CARNMT1: variants seen among roughly 807,000 people sequenced by gnomAD.
The protein encoded by CARNMT1 is carnosine N-methyltransferase 1, also known as protein-L-histidine N-pros-methyltransferase CARNMT1.
Under a neutral mutation model 49.6 loss-of-function variants are expected in CARNMT1, and 28 were observed. The ratio of observed to expected loss-of-function variants is 0.56; its 90% CI spans 0.42 to 0.77. The LOEUF (loss-of-function observed/expected upper bound fraction) is 0.77. Among genes scored for constraint, CARNMT1 ranks in the 30% least tolerant of loss-of-function variants. CARNMT1 has a pLI of 0.00. For missense variants in CARNMT1, 421 were observed against 512.6 expected, an observed-to-expected ratio of 0.82 and a Z score of 1.73; for synonymous variants, 178 against 175.0, an observed-to-expected ratio of 1.02 and a Z score of -0.13.
intron 5 of CARNMT1, 99 bp downstream of exon 5, chr9:74,998,499 C>T (rs1833261088): frequency 1.0e-6 from 1 of 953,968 alleles, no homozygotes; most frequent in Non-Finnish European, 1.5e-6. Flanking sequence ...TTATGTTCTA[C>T]CATCAAAATG....
Position 75,002,547 on chromosome 9 carries a change from A to G in CARNMT1, c.591-2677T>C, listed in dbSNP as rs1321017498. On this transcript the variant is annotated intron_variant, in intron 3 of 7. Coordinates refer to ENST00000376834, the MANE Select transcript of CARNMT1 (RefSeq NM_152420.3). ...AAAAGGAATGAAAAACATCTCATTA[A>G]TAATCTTTTATTACATTGAAATTTT... 2.6e-5 allele frequency among the ~76,000 whole-genome samples: 4 copies of G among 152,356 alleles called. No homozygotes were observed. The East Asian group carries it at 7.7e-4, about 29-fold the overall frequency.
chr9:75,011,887 A>G (rs1360645816), intron 3 of CARNMT1, among the ~76,000 whole-genome samples: 1 of 152,218 alleles, frequency 6.6e-6, no homozygotes, highest in Non-Finnish European at 1.5e-5. Flanking sequence ...CTGCAATTAA[A>G]CAAAATGAAA....
At chr9:75,001,267 CA>C (rs1402818006) in intron 3 of CARNMT1, among the ~76,000 whole-genome samples, 1 of 151,988 alleles carries the variant, frequency 6.6e-6, no homozygotes, top group Non-Finnish European at 1.5e-5. Flanking sequence ...AAAATATTAC[CA>C]TGCAGGAGTT....
chr9:75,017,588 A>G, intron 1 of CARNMT1, 140 bp from the exon 2 acceptor site: 1 of 697,570 alleles, frequency 1.4e-6, no homozygotes, highest in South Asian at 2.3e-5. Context: ...TTGGCTTTAA[A>G]AAGGCATTAA....
chr9:75,012,015 TC>T, intron 3 of CARNMT1, among the ~76,000 whole-genome samples: 1 of 152,102 alleles, frequency 6.6e-6, no homozygotes, highest in East Asian at 1.9e-4. Context: ...AAGCCCAGAC[TC>T]CTGACCCATA....
intron 3 of CARNMT1, among the ~76,000 whole-genome samples, chr9:75,001,093 T>C (rs1587666396): frequency 6.7e-6 from 1 of 149,668 alleles, no homozygotes; most frequent in African/African-American, 2.6e-5. Context: ...ATTTCTACCC[T>C]TACCCCAGCA....
rs1197421332 is a variant in CARNMT1 at position 74,982,544 on chromosome 9, A to C, written c.*1223T>G. 1.3e-5 allele frequency: 2 copies of C among 152,202 alleles called. No individual in the cohort carries two copies. The highest frequency in any genetic ancestry group is 2.9e-5 in the Non-Finnish European group (2 of 68,038). 9.4% of individuals were successfully genotyped at this position (152,202 alleles called of 1,614,324 possible). On this transcript the variant is annotated 3_prime_UTR_variant, in exon 8 of 8. Transcript: ENST00000376834. ...GGAACAAAATTGGTATTAATCTGAA[A>C]TTACATGATGGCTGCTGCTTACAAT...
At chr9:74,985,782 G>GTTGGCCAGGCTGGTCT (rs1832818081) in intron 6 of CARNMT1, among the ~76,000 whole-genome samples, 1 of 152,152 alleles carries the variant, frequency 6.6e-6, no homozygotes, top group Non-Finnish European at 1.5e-5. Context: ...GTTTCACCAT[G>GTTGGCCAGGCTGGTCT]TTGGCCAGGC....
Position 75,028,283 on chromosome 9 carries a change from C to T in CARNMT1, c.-42G>A, listed in dbSNP as rs1320259631. 7.4e-7 allele frequency: 1 copy of T among 1,342,360 alleles called. No homozygotes were observed. Among genetic ancestry groups the T allele is most frequent in the Non-Finnish European group, 9.5e-7 (1 of 1,051,802 alleles). 83.2% of individuals were successfully genotyped at this position (1,342,360 alleles called of 1,614,324 possible). Reference sequence around the variant, plus strand: ...GGCCTGGCTCGCTTGCGTCTCTCCGCGACCGACAGCGTGGTGGCGGCTGCT... The same window carrying T: ...GGCCTGGCTCGCTTGCGTCTCTCCGTGACCGACAGCGTGGTGGCGGCTGCT... On this transcript the variant is annotated 5_prime_UTR_variant, in exon 1 of 8. Coordinates refer to ENST00000376834, the MANE Select transcript of CARNMT1 (RefSeq NM_152420.3).
At chr9:75,019,942 G>T (rs1242422492) in intron 1 of CARNMT1, among the ~76,000 whole-genome samples, 1 of 152,192 alleles carries the variant, frequency 6.6e-6, no homozygotes, top group Non-Finnish European at 1.5e-5. Context: ...ATAACCTCAA[G>T]AACATATACA....
At chr9:75,020,589 T>G (rs1056978587) in intron 1 of CARNMT1, among the ~76,000 whole-genome samples, 2 of 152,210 alleles carry the variant, frequency 1.3e-5, no homozygotes, top group African/African-American at 4.8e-5. Context: ...TCAATTTCAC[T>G]TTCATTTTCA....
chr9:75,005,375 T>C (rs781055172), intron 3 of CARNMT1, among the ~76,000 whole-genome samples: 3 of 152,084 alleles, frequency 2.0e-5, no homozygotes, highest in Non-Finnish European at 2.9e-5. Flanking sequence ...ACTTGAAACA[T>C]AGACAGATTG....
chr9:74,985,082 A>C, intron 6 of CARNMT1, 72 bp from the exon 7 acceptor site: 1 of 1,113,220 alleles, frequency 9.0e-7, no homozygotes, highest in Non-Finnish European at 1.4e-6. Context: ...CTGAATTCCA[A>C]GTTGAGTAAG....
At chr9:75,026,818 C>T (rs552307738) in intron 1 of CARNMT1, among the ~76,000 whole-genome samples, 18 of 152,124 alleles carry the variant, frequency 1.2e-4, no homozygotes, top group South Asian at 4.1e-4. Flanking sequence ...ACTTGACAGA[C>T]TATTTGGGAA....
chr9:75,016,231 A>C (rs1402649864), intron 3 of CARNMT1, 37 bp downstream of exon 3: 1 of 1,487,688 alleles, frequency 6.7e-7, no homozygotes, highest in South Asian at 1.2e-5. Flanking sequence ...GTGTTCATAC[A>C]CTTTAAAAAC....
At chr9:75,024,114 T>C (rs1822454840) in intron 1 of CARNMT1, among the ~76,000 whole-genome samples, 1 of 152,160 alleles carries the variant, frequency 6.6e-6, no homozygotes, top group Non-Finnish European at 1.5e-5. Flanking sequence ...CCAGGTCTGA[T>C]CTAAAGGCCA....
At chr9:74,996,585 G>C (rs769322329) in intron 5 of CARNMT1, 25 bp from the exon 6 acceptor site, 11 of 1,293,674 alleles carry the variant, frequency 8.5e-6, no homozygotes, top group Non-Finnish European at 1.2e-5. Flanking sequence ...TCAAATTACT[G>C]CATCTGTTAT....
In CARNMT1 at chr9:74,983,744, C is replaced by G. The variant is rs1016719276; in HGVS notation, c.*23G>C. On this transcript the variant is annotated 3_prime_UTR_variant, in exon 8 of 8. Transcript: ENST00000376834. ...GCATTTGTTCTTACTAAACTTTTTTCCAGGTGGTATCACTTGAGACCATTA... is the reference window on the plus strand; with the variant it reads ...GCATTTGTTCTTACTAAACTTTTTTGCAGGTGGTATCACTTGAGACCATTA... 26 of 1,424,246 alleles carry G rather than the reference C, an allele frequency of 1.8e-5. No individual in the cohort carries two copies. The highest frequency in any genetic ancestry group is 2.2e-5 in the Non-Finnish European group (23 of 1,038,058). 88.2% of individuals were successfully genotyped at this position (1,424,246 alleles called of 1,614,324 possible).
At position 75,004,774 on chromosome 9, in the gene CARNMT1, T is replaced by C. The variant is rs369160908; in HGVS notation, c.591-4904A>G. On this transcript the variant is annotated intron_variant, in intron 3 of 7. Coordinates refer to ENST00000376834, the MANE Select transcript of CARNMT1 (RefSeq NM_152420.3). ...AGAAAAAACGAATTCAACCAGTCAG[T>C]AGTGCATCAGTATCTTTTTGGAGTG... Among the ~76,000 whole-genome samples the C allele has an allele frequency of 7.9e-5, 12 of 152,292 alleles. No individual in the cohort carries two copies. In the East Asian group the frequency reaches 1.5e-3, roughly 20 times the overall value.
Sources: allele counts gnomAD v4.1 joint callset (sites outside exome capture counted in the v4.1 genomes callset), GRCh38; gene constraint gnomAD v4.1.1; transcripts MANE v1.5; gene names NCBI Gene and HGNC (gene_info 2026-07-23, HGNC 2026-07-21).